The following CMTM8 variants were observed in gnomAD, a reference collection of about 807,000 sequenced individuals.
The protein encoded by CMTM8 is CKLF like MARVEL transmembrane domain containing 8, also known as CKLF-like MARVEL transmembrane domain-containing protein 8.
In CMTM8, 12 loss-of-function variants were observed where a neutral mutation model predicts 18.6. That is an observed-to-expected ratio of 0.65 (90% CI 0.41 to 1.05). The LOEUF (loss-of-function observed/expected upper bound fraction) is 1.05. Among genes scored for constraint, CMTM8 ranks in the 50% least tolerant of loss-of-function variants. The probability of loss-of-function intolerance (pLI) is 0.00; values close to 1 mark genes in which losing one functional copy is unlikely to be tolerated. For synonymous variants in CMTM8, 87 were observed against 90.6 expected, an observed-to-expected ratio of 0.96 and a Z score of 0.23; for missense variants, 217 against 227.2, an observed-to-expected ratio of 0.95 and a Z score of 0.29.
At chr3:32,346,852 ACT>A (rs1307557746) in intron 1 of CMTM8, among the ~76,000 whole-genome samples, 2 of 144,422 alleles carry the variant, frequency 1.4e-5, no homozygotes, top group East Asian at 4.0e-4. Flanking sequence ...ACAGGGTCTC[ACT>A]CTGTCATCCA....
intron 1 of CMTM8, among the ~76,000 whole-genome samples, chr3:32,334,597 C>A (rs1486758586): frequency 6.6e-6 from 1 of 151,476 alleles, no homozygotes; most frequent in African/African-American, 2.4e-5. Context: ...CAGAGCAAGA[C>A]TCCATCTCAA....
At chr3:32,345,073 C>T (rs1054439402) in intron 1 of CMTM8, among the ~76,000 whole-genome samples, 3 of 152,114 alleles carry the variant, frequency 2.0e-5, no homozygotes, top group Non-Finnish European at 4.4e-5. Flanking sequence ...GGCATGGTGG[C>T]TCACGCCTGT....
At chr3:32,252,114 C>T (rs563284643) in intron 1 of CMTM8, among the ~76,000 whole-genome samples, 2 of 152,158 alleles carry the variant, frequency 1.3e-5, no homozygotes, top group Admixed American at 6.5e-5. Context: ...AAAAAATTTA[C>T]CGTCTTAAAT....
At chr3:32,324,990 G>C (rs1354182511) in intron 1 of CMTM8, among the ~76,000 whole-genome samples, 1 of 152,244 alleles carries the variant, frequency 6.6e-6, no homozygotes, top group Non-Finnish European at 1.5e-5. Flanking sequence ...TGATGAGAAT[G>C]TTCCCTTTCC....
chr3:32,295,968 C>G (rs1190492117), intron 1 of CMTM8, among the ~76,000 whole-genome samples: 1 of 152,068 alleles, frequency 6.6e-6, no homozygotes, highest in African/African-American at 2.4e-5. Context: ...GTTTCCATGC[C>G]CACCTCACCT....
At chr3:32,269,376 T>G (rs1360931623) in intron 1 of CMTM8, among the ~76,000 whole-genome samples, 1 of 152,256 alleles carries the variant, frequency 6.6e-6, no homozygotes, top group East Asian at 1.9e-4. Context: ...TCCTTTTAAT[T>G]GTGACATGAA....
At chr3:32,278,170 A>G (rs1220002172) in intron 1 of CMTM8, among the ~76,000 whole-genome samples, 2 of 152,290 alleles carry the variant, frequency 1.3e-5, no homozygotes, top group Middle Eastern at 3.4e-3. Flanking sequence ...CCTTTCTTCA[A>G]GATCCAACCT....
intron 1 of CMTM8, among the ~76,000 whole-genome samples, chr3:32,268,536 A>G (rs1702385632): frequency 6.6e-6 from 1 of 152,058 alleles, no homozygotes; most frequent in African/African-American, 2.4e-5. Flanking sequence ...TGGCACATGT[A>G]TACATATGTA....
intron 1 of CMTM8, among the ~76,000 whole-genome samples, chr3:32,299,967 A>G (rs1695583186): frequency 6.6e-6 from 1 of 152,204 alleles, no homozygotes. Context: ...GTAGGTGCTG[A>G]AAAGGGATGA....
intron 1 of CMTM8, among the ~76,000 whole-genome samples, chr3:32,248,845 A>G (rs906664407): frequency 2.0e-5 from 3 of 151,588 alleles, no homozygotes; most frequent in African/African-American, 4.9e-5. Context: ...TAATTGTTTA[A>G]TTTTTTGTAG....
At chr3:32,319,074 A>ATATATATATATATATATATTTTTTTTTT in intron 1 of CMTM8, among the ~76,000 whole-genome samples, 3 of 31,528 alleles carry the variant, frequency 9.5e-5, no homozygotes, top group East Asian at 1.6e-3. Flanking sequence ...ATATATATAT[A>ATATATATATATATATATATTTTTTTTTT]TTTTTTTTTT....
intron 2 of CMTM8, among the ~76,000 whole-genome samples, chr3:32,364,283 T>G (rs1696988943): frequency 6.6e-6 from 1 of 152,098 alleles, no homozygotes; most frequent in Non-Finnish European, 1.5e-5. Flanking sequence ...GGCGGGTGGA[T>G]CATGAAGTCA....
rs114568512 is a variant in CMTM8, at chr3:32,342,537, G to A, written c.148-14836G>A. Among the ~76,000 whole-genome samples, 416 of 152,276 alleles carry A rather than the reference G, an allele frequency of 2.7e-3. 2 individuals are homozygous for A. The highest frequency in any genetic ancestry group is 9.6e-3 in the African/African-American group (400 of 41,562). ...GCTAACCATGGTATTGAGGTGGACC[G>A]TGTGGCATTCAGGTGTCCACACAGG... On this transcript the variant is annotated intron_variant, in intron 1 of 3. Coordinates refer to ENST00000307526, the MANE Select transcript of CMTM8 (RefSeq NM_178868.5).
intron 1 of CMTM8, among the ~76,000 whole-genome samples, chr3:32,283,915 G>A (rs548450550): frequency 2.0e-5 from 3 of 152,314 alleles, no homozygotes; most frequent in African/African-American, 7.2e-5. Context: ...TTCCAAAAAG[G>A]ATTTGAAATA....
chr3:32,355,536 T>A (rs1376959471), intron 1 of CMTM8, among the ~76,000 whole-genome samples: 1 of 152,196 alleles, frequency 6.6e-6, no homozygotes. Flanking sequence ...ATTCTTCCAC[T>A]TGGATTATTG....
intron 2 of CMTM8, 42 bp downstream of exon 2, chr3:32,357,588 G>A (rs1012058151): frequency 5.6e-6 from 9 of 1,594,258 alleles, no homozygotes; most frequent in African/African-American, 1.3e-5. Context: ...GTGCCCACTC[G>A]GTAGATGGCA....
In CMTM8 at chr3:32,260,456, C is replaced by T. The variant is rs188846111; in HGVS notation, c.147+21337C>T. On this transcript the variant is annotated intron_variant, in intron 1 of 3. Coordinates refer to ENST00000307526, the MANE Select transcript of CMTM8 (RefSeq NM_178868.5). ...CTAATTTTGTTTTCAAATGTCTACT[C>T]AGTTGTCCCAACATTTCATATTGGT... Among the ~76,000 whole-genome samples, 245 of 152,312 alleles carry T rather than the reference C, an allele frequency of 1.6e-3. 1 individual carries two copies. The highest frequency in any genetic ancestry group is 1.1e-3 in the Non-Finnish European group (74 of 68,030).
At chr3:32,312,776 C>T (rs1008430118) in intron 1 of CMTM8, among the ~76,000 whole-genome samples, 12 of 151,512 alleles carry the variant, frequency 7.9e-5, no homozygotes, top group South Asian at 2.1e-4. Flanking sequence ...CCCTAGCAAC[C>T]GCCCCCGATC....
chr3:32,356,385 A>G (rs896199876), intron 1 of CMTM8, among the ~76,000 whole-genome samples: 2 of 152,172 alleles, frequency 1.3e-5, no homozygotes, highest in Non-Finnish European at 2.9e-5. Context: ...AGGTGCTAGA[A>G]TGTGAGTGCA....
Sources: allele counts gnomAD v4.1 joint callset (sites outside exome capture counted in the v4.1 genomes callset), GRCh38; gene constraint gnomAD v4.1.1; transcripts MANE v1.5; gene names NCBI Gene and HGNC (gene_info 2026-07-23, HGNC 2026-07-21).